MUC17: variants seen among roughly 807,000 people sequenced by gnomAD.
MUC17 encodes the protein mucin 17, cell surface associated.
MUC17 carries 190 observed loss-of-function variants against 170.3 expected under a neutral mutation model. The observed-to-expected ratio is 1.12, with a 90% CI of 0.99 to 1.26. The LOEUF (loss-of-function observed/expected upper bound fraction) is 1.26, where lower values mean the gene tolerates loss of function less well. MUC17 is among the 50% of genes most tolerant of loss of function. MUC17 has a pLI of 0.00. For missense variants in MUC17, 6,415 were observed against 5,530.0 expected (o/e 1.16, Z -5.08); for synonymous variants, 2,325 against 2,002.5 (o/e 1.16, Z -4.30).
In MUC17 at chr7:101,043,575, G is replaced by A; in HGVS notation, c.12159G>A (p.Arg4053=). 6.2e-7 allele frequency: 1 copy of A among 1,614,004 alleles called. No individual in the cohort carries two copies. The highest frequency in any genetic ancestry group is 8.5e-7 in the Non-Finnish European group (1 of 1,179,988). The change falls in exon 3 of 13, where the codon AGG becomes AGA. Residue 4053 remains arginine (R), a synonymous_variant. Transcript: ENST00000306151. ...RPVTPSSESS[R]PSTITSHTIP... ...TGACCCCTTCATCAGAATCCAGCAG[G>A]CCGTCAACAATTACTTCTCACACCA...
intron 1 of MUC17, among the ~76,000 whole-genome samples, chr7:101,029,253 G>A (rs754634328): frequency 6.6e-6 from 1 of 151,848 alleles, no homozygotes; most frequent in Admixed American, 6.6e-5. Flanking sequence ...CTACTCAGGA[G>A]GCTGAGGCAG....
intron 1 of MUC17, among the ~76,000 whole-genome samples, chr7:101,025,015 C>A (rs922801788): frequency 6.6e-6 from 1 of 151,604 alleles, no homozygotes; most frequent in Non-Finnish European, 1.5e-5. Context: ...ACGGAGACCA[C>A]GTCTCTAAAA....
chr7:101,054,041 C>A, intron 11 of MUC17, among the ~76,000 whole-genome samples: 1 of 76,134 alleles, frequency 1.3e-5, no homozygotes, highest in Admixed American at 2.4e-4. Context: ...GCCTGGGCAA[C>A]AGAACAAGAC....
Position 101,042,907 on chromosome 7 carries a change from G to C in MUC17, c.11491G>C (p.Glu3831Gln). 1 of 1,614,064 alleles carries C rather than the reference G, an allele frequency of 6.2e-7. No homozygotes were observed. The highest frequency in any genetic ancestry group is 8.5e-7 in the Non-Finnish European group (1 of 1,180,018). Residue 3831 changes from glutamate to glutamine, a missense_variant, in exon 3 of 13, where the codon GAG becomes CAG. Transcript: ENST00000306151. ...CCCTATATCTGTGATGAGTCCTTCT[G>C]AGGCCAGCACACTTTCAACACCTCC... ...ISPISVMSPS[E>Q]ASTLSTPPGD...
intron 1 of MUC17, among the ~76,000 whole-genome samples, chr7:101,020,978 G>A (rs1794066005): frequency 6.6e-6 from 1 of 152,062 alleles, no homozygotes; most frequent in African/African-American, 2.4e-5. Flanking sequence ...ACAGAAACTG[G>A]ACCCATAGAC....
Position 101,056,214 on chromosome 7 carries a change from G to A in MUC17, c.13384G>A (p.Glu4462Lys), listed in dbSNP as rs1795040338. The A allele has an allele frequency of 6.2e-7, 1 of 1,613,944 alleles. No homozygotes were observed. The change falls in exon 12 of 13, where the codon GAG becomes AAG. Residue 4462 changes from glutamate to lysine, a missense_variant. Physicochemically the swap from Glu to Lys is moderately conservative, Grantham distance 56. Coordinates refer to ENST00000306151, the MANE Select transcript of MUC17 (RefSeq NM_001040105.2). ...ICQDDDSIHL[E>K]SIYSNFQPSL... ...ACAAGATGATGATTCCATCCACCTG[G>A]AGTCCATCTATAGTAATTTCCAGCC... is the stretch of plus-strand genomic sequence containing the variant.
At position 101,042,074 on chromosome 7, in the gene MUC17, A is replaced by C. The variant is rs145998744; in HGVS notation, c.10658A>C (p.Gln3553Pro). 97 of 1,614,038 alleles carry C rather than the reference A, an allele frequency of 6.0e-5. No homozygotes were observed. In the African/African-American group the frequency reaches 1.1e-3, roughly 19 times the overall value. Residue 3553 changes from glutamine to proline, a missense_variant, in exon 3 of 13, where the codon CAA (glutamine) becomes CCA (proline). Transcript: ENST00000306151. ...AACACTTTTGTTACCAGTTCTAGTC[A>C]AGCCAGTTCATCTCCAGCAACTCTT... is the stretch of plus-strand genomic sequence containing the variant. ...DSNTFVTSSS[Q>P]ASSSPATLQV... is the part of the protein sequence containing the mutation.
At position 101,037,215 on chromosome 7, in the gene MUC17, C is replaced by T; in HGVS notation, c.5799C>T (p.Val1933=). ...EGRPPLTSIP[V]STTTVASSEI... ...GGCCTCCATTAACAAGTATACCTGT[C>T]AGCACCACAACAGTGGCCAGTTCTG... Residue 1933 remains valine (V), a synonymous_variant, in exon 3 of 13, where the codon GTC becomes GTT. Coordinates refer to ENST00000306151, the MANE Select transcript of MUC17 (RefSeq NM_001040105.2). 1 of 1,612,528 alleles carries T rather than the reference C, an allele frequency of 6.2e-7. No homozygotes were observed. Among genetic ancestry groups the T allele is most frequent in the Non-Finnish European group, 8.5e-7 (1 of 1,179,114 alleles).
chr7:101,048,170 A>G, intron 4 of MUC17, 55 bp downstream of exon 4: 1 of 1,487,498 alleles, frequency 6.7e-7, no homozygotes, highest in Non-Finnish European at 9.0e-7. Flanking sequence ...CGACCTCCAT[A>G]CAAGCAACAG....
At chr7:101,046,658 G>A (rs1794846714) in intron 3 of MUC17, among the ~76,000 whole-genome samples, 1 of 152,146 alleles carries the variant, frequency 6.6e-6, no homozygotes, top group South Asian at 2.1e-4. Flanking sequence ...CATGCCTGCA[G>A]TCCCAGTTAC....
chr7:101,031,872 A>G lies in MUC17; in HGVS notation c.456A>G (p.Pro152=). The part of the protein sequence containing the change: ...PEGTDVPMST[P]SEESISSTMA... ...GCACCGACGTGCCCATGTCAACACCAAGTGAAGAAAGCATTTCATCAACAA... is the reference window on the plus strand; with the variant it reads ...GCACCGACGTGCCCATGTCAACACCGAGTGAAGAAAGCATTTCATCAACAA... The change falls in exon 3 of 13, where the codon CCA becomes CCG. Residue 152 remains proline, a synonymous_variant. Transcript: ENST00000306151. The G allele has an allele frequency of 6.2e-7, 1 of 1,614,180 alleles. No individual in the cohort carries two copies. The highest frequency in any genetic ancestry group is 8.5e-7 in the Non-Finnish European group (1 of 1,180,024).
chr7:101,043,842 C>T (rs764237128), intron 3 of MUC17, 23 bp downstream of exon 3: 7 of 1,568,692 alleles, frequency 4.5e-6, no homozygotes, highest in African/African-American at 1.4e-5. Context: ...TTGAATTTTC[C>T]TTTTTTTTAA....
rs776603835 is a variant in MUC17, at chr7:101,034,990, G to A, written c.3574G>A (p.Ala1192Thr). 3 of 1,604,458 alleles carry A rather than the reference G, an allele frequency of 1.9e-6. No homozygotes were observed. Among genetic ancestry groups the A allele is most frequent in the South Asian group, 1.1e-5 (1 of 89,758 alleles). Residue 1192 changes from alanine (A) to threonine (T), a missense_variant, in exon 3 of 13, where the codon GCC becomes ACC. Ala to Thr is a moderately conservative substitution (Grantham distance 58). Coordinates refer to ENST00000306151, the MANE Select transcript of MUC17 (RefSeq NM_001040105.2). ...TCCTGTGGACTCCAAAACTCAGGTG[G>A]CCACTTCTACTGAAGCCAGTTCACC... Reference protein sequence around the residue: ...TTPVDSKTQVATSTEASSPPP... With the variant: ...TTPVDSKTQVTTSTEASSPPP...
In MUC17 at chr7:101,040,350, A is replaced by C. The variant is rs769591705; in HGVS notation, c.8934A>C (p.Pro2978=). The change falls in exon 3 of 13, where the codon CCA becomes CCC. Residue 2978 remains proline, a synonymous_variant. Coordinates refer to ENST00000306151, the MANE Select transcript of MUC17 (RefSeq NM_001040105.2). The part of the protein sequence containing the change: ...SPTTAEGTSM[P]ISTPGERRTP... ...CAACTGCTGAAGGTACCAGCATGCCAATCTCAACTCCTGGCGAAAGAAGAA... is the reference window on the plus strand; with the variant it reads ...CAACTGCTGAAGGTACCAGCATGCCCATCTCAACTCCTGGCGAAAGAAGAA... 2 of 1,612,654 alleles carry C rather than the reference A, an allele frequency of 1.2e-6. No individual in the cohort carries two copies. The highest frequency in any genetic ancestry group is 1.7e-6 in the Non-Finnish European group (2 of 1,179,496).
rs763406901 is a variant in MUC17, at chr7:101,049,010, TC to T, written c.12663+44del. ...GAGCAAGGCCCCATAGCTACTCAGT[TC>T]CCCCCAGAGCAGAGTCTGTAGGGTA... On this transcript the variant is annotated intron_variant, in intron 5 of 12. Coordinates refer to ENST00000306151, the MANE Select transcript of MUC17 (RefSeq NM_001040105.2). 1.9e-6 allele frequency: 3 copies of T among 1,613,516 alleles called. No homozygotes were observed. The South Asian group carries it at 3.3e-5, about 18-fold the overall frequency.
intron 3 of MUC17, among the ~76,000 whole-genome samples, chr7:101,047,059 C>T (rs550819690): frequency 5.9e-4 from 87 of 147,040 alleles, no homozygotes; most frequent in African/African-American, 2.0e-3. Flanking sequence ...CCAGCCCGGG[C>T]GACAGAGCAA....
At position 101,039,638 on chromosome 7, in the gene MUC17, T is replaced by A. The variant is rs780759974; in HGVS notation, c.8222T>A (p.Met2741Lys). 6.2e-7 allele frequency: 1 copy of A among 1,612,252 alleles called. No homozygotes were observed. The highest frequency in any genetic ancestry group is 1.7e-5 in the Admixed American group (1 of 59,634). The change falls in exon 3 of 13, where the codon ATG becomes AAG. Residue 2741 changes from methionine to lysine, a missense_variant. Coordinates refer to ENST00000306151, the MANE Select transcript of MUC17 (RefSeq NM_001040105.2). ...CCTACAACTGCTGAAGGTACCAGCA[T>A]GCGAATCTCAACTCCTAGTGATGGA... is the stretch of plus-strand genomic sequence containing the variant. The part of the protein sequence containing the change: ...SSPTTAEGTS[M>K]RISTPSDGST...
rs1345081469 is a variant in MUC17 at position 101,038,969 on chromosome 7, C to T, written c.7553C>T (p.Thr2518Ile). 1.9e-6 allele frequency: 3 copies of T among 1,613,948 alleles called. No homozygotes were observed. The highest frequency in any genetic ancestry group is 1.7e-5 in the Admixed American group (1 of 59,998). The stretch of plus-strand genomic sequence containing the variant: ...GCTAGTGAAGGAAGTACTCTATTAA[C>T]AAGTATACCTGTCAGCACCACGCCA... ...STASEGSTLL[T>I]SIPVSTTPVA... The change falls in exon 3 of 13, where the codon ACA becomes ATA. Residue 2518 changes from threonine (T) to isoleucine (I), a missense_variant. Transcript: ENST00000306151.
Position 101,051,615 on chromosome 7 carries a change from A to G in MUC17, c.12877A>G (p.Met4293Val), listed in dbSNP as rs538349295. The change falls in exon 8 of 13, where the codon ATG (methionine) becomes GTG (valine). Residue 4293 changes from methionine to valine, a missense_variant and splice_region_variant. By Grantham distance (21) the Met-to-Val change is conservative (BLOSUM62 1). Transcript: ENST00000306151. ...QIMINDICSDMMCFNTTGTQV... is the reference protein window; with the variant it reads ...QIMINDICSDVMCFNTTGTQV... The stretch of plus-strand genomic sequence containing the variant: ...GGTTTTATGTGTCTCTTTCACAGAC[A>G]TGATGTGTTTCAACACCACTGGCAC... 7 of 1,613,098 alleles carry G rather than the reference A, an allele frequency of 4.3e-6. No individual in the cohort carries two copies. Among genetic ancestry groups the G allele is most frequent in the African/African-American group, 4.0e-5 (3 of 74,958 alleles).
Sources: allele counts gnomAD v4.1 joint callset (sites outside exome capture counted in the v4.1 genomes callset), GRCh38; gene constraint gnomAD v4.1.1; transcripts MANE v1.5; gene names NCBI Gene and HGNC (gene_info 2026-07-23, HGNC 2026-07-21).